Variants in MAPK10 observed in about 807,000 individuals in gnomAD.
MAPK10 encodes JNK3 alpha protein kinase.
A neutral mutation model predicts 59.3 loss-of-function variants in MAPK10; 25 were observed. The observed-to-expected ratio is 0.42, with a 90% confidence interval of 0.31 to 0.59. The LOEUF (loss-of-function observed/expected upper bound fraction) is 0.59, where lower values mean the gene tolerates loss of function less well. MAPK10 is among the 20% of genes least tolerant of loss of function. The pLI is 0.15. For synonymous variants in MAPK10, 190 were observed against 200.5 expected, an observed-to-expected ratio of 0.95 and a Z score of 0.44; for missense variants, 351 against 568.9, an observed-to-expected ratio of 0.62 and a Z score of 3.90.
At chr4:86,556,331 A>G (rs1760264501) in intron 1 of MAPK10, among the ~76,000 whole-genome samples, 2 of 152,222 alleles carry the variant, frequency 1.3e-5, no homozygotes, top group African/African-American at 4.8e-5. Flanking sequence ...CTTCACAGGT[A>G]AAACATTCTG....
intron 13 of MAPK10, chr4:86,020,158 C>G (rs1452123656): frequency 6.6e-6 from 1 of 152,194 alleles, no homozygotes; most frequent in Non-Finnish European, 1.5e-5. Context: ...CTGAACATTT[C>G]ATGTAAATGG....
At chr4:86,155,445 A>G (rs2067483023) in intron 4 of MAPK10, among the ~76,000 whole-genome samples, 1 of 151,818 alleles carries the variant, frequency 6.6e-6, no homozygotes, top group Non-Finnish European at 1.5e-5. Flanking sequence ...ATGTATGTAT[A>G]TATAATATAT....
intron 2 of MAPK10, among the ~76,000 whole-genome samples, chr4:86,223,293 C>T (rs1334556261): frequency 6.6e-6 from 1 of 152,172 alleles, no homozygotes; most frequent in Non-Finnish European, 1.5e-5. Flanking sequence ...CCTCCCTCCC[C>T]CAAGACTTCT....
chr4:86,392,607 GA>G (rs75955663), intron 1 of MAPK10, among the ~76,000 whole-genome samples: 10 of 146,162 alleles, frequency 6.8e-5, no homozygotes, highest in South Asian at 2.2e-4. Context: ...AAACAAAAAA[GA>G]AAAAAAAAAG....
chr4:86,515,642 A>T (rs1178873924), intron 1 of MAPK10, among the ~76,000 whole-genome samples: 1 of 151,808 alleles, frequency 6.6e-6, no homozygotes, highest in Non-Finnish European at 1.5e-5. Flanking sequence ...TTCTTTTGAG[A>T]ATTGTCTATT....
At chr4:86,241,471 T>C (rs1393737721) in intron 2 of MAPK10, among the ~76,000 whole-genome samples, 1 of 152,146 alleles carries the variant, frequency 6.6e-6, no homozygotes, top group African/African-American at 2.4e-5. Flanking sequence ...CTCCAATCAA[T>C]TGTAGCTTTG....
rs1358132452 is a variant in MAPK10 at position 86,300,891 on chromosome 4, T to TCAA, written c.-7+53638_-7+53639insTTG. Reference sequence around the variant, plus strand: ...GAAGAGAGATCAAATTGTTAAAGTATTAAAAAAAAAAAAAAACAACAAGCT... The same window carrying TCAA: ...GAAGAGAGATCAAATTGTTAAAGTATCAATAAAAAAAAAAAAAAACAACAAGCT... On this transcript the variant is annotated intron_variant, in intron 2 of 13. Coordinates refer to ENST00000641462, the MANE Select transcript of MAPK10 (RefSeq NM_138982.4). 3.9e-5 allele frequency: 4 copies of TCAA among 101,504 alleles called. No individual in the cohort carries two copies. In the East Asian group the frequency reaches 1.1e-3, roughly 28 times the overall value. 6.3% of individuals were successfully genotyped at this position (101,504 alleles called of 1,614,324 possible).
At chr4:86,579,348 T>C (rs942154512) in intron 1 of MAPK10, among the ~76,000 whole-genome samples, 5 of 152,152 alleles carry the variant, frequency 3.3e-5, no homozygotes, top group Non-Finnish European at 7.3e-5. Flanking sequence ...ACTAGGTAAT[T>C]TCACATGTTT....
At chr4:86,118,597 CA>C (rs2058671757) in intron 4 of MAPK10, among the ~76,000 whole-genome samples, 1 of 151,684 alleles carries the variant, frequency 6.6e-6, no homozygotes, top group East Asian at 1.9e-4. Flanking sequence ...CACACACACA[CA>C]CACACACACA....
intron 1 of MAPK10, among the ~76,000 whole-genome samples, chr4:86,366,209 A>G (rs1392210505): frequency 6.6e-6 from 1 of 152,184 alleles, no homozygotes; most frequent in African/African-American, 2.4e-5. Context: ...CTATGGAGAT[A>G]GGAATCAGAG....
At chr4:86,443,441 T>C (rs773796799) in intron 1 of MAPK10, among the ~76,000 whole-genome samples, 9 of 152,072 alleles carry the variant, frequency 5.9e-5, no homozygotes, top group African/African-American at 9.7e-5. Flanking sequence ...TAGTTTTCCA[T>C]GTGGAGAAAA....
chr4:86,030,298 T>C (rs114454183), intron 12 of MAPK10, among the ~76,000 whole-genome samples: 2,093 of 152,160 alleles, frequency 0.014, 28 homozygotes, highest in Non-Finnish European at 0.019. Flanking sequence ...CTCTTTAGTA[T>C]CTTTTAAAAT....
At chr4:86,097,200 T>C (rs2054395608) in intron 9 of MAPK10, among the ~76,000 whole-genome samples, 1 of 152,032 alleles carries the variant, frequency 6.6e-6, no homozygotes. Context: ...CAATTTAGAC[T>C]ATAATTTCAA....
intron 4 of MAPK10, among the ~76,000 whole-genome samples, chr4:86,137,721 C>A (rs2062565714): frequency 7.7e-6 from 1 of 130,534 alleles, no homozygotes; most frequent in African/African-American, 3.4e-5. Context: ...ACAAAAAACC[C>A]TTCAAAAAAT....
At chr4:86,059,999 TC>T (rs1401712776) in intron 11 of MAPK10, among the ~76,000 whole-genome samples, 1 of 144,186 alleles carries the variant, frequency 6.9e-6, no homozygotes, top group Non-Finnish European at 1.5e-5. Flanking sequence ...CTGCCCTGAT[TC>T]CCAGAGTAAG....
intron 3 of MAPK10, among the ~76,000 whole-genome samples, chr4:86,179,370 G>T (rs771597005): frequency 6.6e-6 from 1 of 151,936 alleles, no homozygotes; most frequent in African/African-American, 2.4e-5. Flanking sequence ...GGATACAAAT[G>T]AAAAGATATC....
chr4:86,389,977 T>C (rs1289279373), intron 1 of MAPK10, among the ~76,000 whole-genome samples: 1 of 152,194 alleles, frequency 6.6e-6, no homozygotes, highest in East Asian at 1.9e-4. Flanking sequence ...GTCGCTTGTT[T>C]TAAAATAATA....
chr4:86,498,628 T>A (rs1028933922), intron 1 of MAPK10, among the ~76,000 whole-genome samples: 1 of 152,196 alleles, frequency 6.6e-6, no homozygotes, highest in African/African-American at 2.4e-5. Flanking sequence ...TAGTGAGAGT[T>A]GACTCATAAC....
At chr4:86,131,795 A>G (rs1048581616) in intron 4 of MAPK10, among the ~76,000 whole-genome samples, 6 of 152,216 alleles carry the variant, frequency 3.9e-5, no homozygotes, top group African/African-American at 1.4e-4. Context: ...TATATGGATG[A>G]GCTAACATGG....
Sources: gnomAD v4.1 joint callset for allele counts (sites outside exome capture counted in the v4.1 genomes callset) on GRCh38, gnomAD v4.1.1 for gene constraint, MANE v1.5 for transcripts, NCBI Gene and HGNC (gene_info 2026-07-23, HGNC 2026-07-21) for gene names.